Variants in PPP1R10 observed in about 807,000 individuals in gnomAD.
PPP1R10 encodes serine/threonine-protein phosphatase 1 regulatory subunit 10.
PPP1R10 carries 15 observed loss-of-function variants against 99.0 expected under a neutral mutation model. The ratio of observed to expected loss-of-function variants is 0.15; its 90% CI spans 0.10 to 0.23. The LOEUF (loss-of-function observed/expected upper bound fraction) is 0.23, where lower values mean the gene tolerates loss of function less well. PPP1R10 is among the 10% of genes least tolerant of loss of function. The pLI, the probability that PPP1R10 is intolerant of heterozygous loss-of-function variation, is 1.00. For synonymous variants in PPP1R10, 430 were observed against 449.5 expected (o/e 0.96, Z 0.55); for missense variants, 947 against 1,259.4 (o/e 0.75, Z 3.75).
At chr6:30,607,396 A>G (rs1804062352) in intron 6 of PPP1R10, among the ~76,000 whole-genome samples, 1 of 152,236 alleles carries the variant, frequency 6.6e-6, no homozygotes, top group Non-Finnish European at 1.5e-5. Flanking sequence ...ATGAAAAAAT[A>G]CTTTGTAACT....
chr6:30,605,777 G>A (rs1023980000), intron 10 of PPP1R10, 146 bp downstream of exon 10: 28 of 760,264 alleles, frequency 3.7e-5, no homozygotes, highest in African/African-American at 1.8e-4. Context: ...GGAGAATGGC[G>A]TGAACCCGGG....
Position 30,613,903 on chromosome 6 carries a change from G to A in PPP1R10, c.-12+2575C>T, listed in dbSNP as rs551321809. On this transcript the variant is annotated intron_variant, in intron 2 of 19. Transcript: ENST00000376511. The stretch of plus-strand genomic sequence containing the variant: ...AAACAAAAAAAGCTTGTAGTCAACA[G>A]ACATGTGAAGAGTCCCTCCCATCCA... 2.0e-5 allele frequency among the ~76,000 whole-genome samples: 3 copies of A among 152,280 alleles called. No individual in the cohort carries two copies. In the South Asian group the frequency reaches 6.2e-4, roughly 32 times the overall value.
At position 30,609,845 on chromosome 6, in the gene PPP1R10, T is replaced by C. The variant is rs1804365830; in HGVS notation, c.100A>G (p.Ile34Val). ...EVKSVDGISK[I>V]FSLMKEARKM... ...AAAGGGGTAAAGACTCACCTGAAGA[T>C]CTTGGAAATCCCATCCACACTTTTG... is the stretch of plus-strand genomic sequence containing the variant. The change falls in exon 3 of 20, where the codon ATC becomes GTC. Residue 34 changes from isoleucine (I) to valine (V), a missense_variant. By Grantham distance (29) the Ile-to-Val change is conservative. This residue lies in a region of PPP1R10 where 82 missense variants were observed against 117.3 expected (regional missense o/e 0.70). Transcript: ENST00000376511. The surrounding 1 kb of genome is among the most constrained non-coding windows in gnomAD (Gnocchi z 4.5). 1 of 1,612,832 alleles carries C rather than the reference T, an allele frequency of 6.2e-7. No homozygotes were observed. The highest frequency in any genetic ancestry group is 8.5e-7 in the Non-Finnish European group (1 of 1,178,862).
chr6:30,604,212 C>A lies in PPP1R10; in HGVS notation c.1304G>T (p.Arg435Leu), dbSNP rs1234456705. The A allele has an allele frequency of 6.2e-7, 1 of 1,614,150 alleles. No individual in the cohort carries two copies. The highest frequency in any genetic ancestry group is 8.5e-7 in the Non-Finnish European group (1 of 1,180,034). The change falls in exon 14 of 20, where the codon CGA becomes CTA. Residue 435 changes from arginine to leucine, a missense_variant. By Grantham distance (102) the Arg-to-Leu change is moderately radical (BLOSUM62 -2). Transcript: ENST00000376511. This position sits in a 1 kb window ranked among gnomAD's most constrained non-coding sequence, Gnocchi z 7.3. ...KIKDFGEAAK[R>L]EILSDRHAFE... Reference sequence around the variant, plus strand: ...TGCATGTCGGTCTGACAGTATCTCTCGCTTAGCCGCCTCACCAAAGTCCTT... The same window carrying A: ...TGCATGTCGGTCTGACAGTATCTCTAGCTTAGCCGCCTCACCAAAGTCCTT...
chr6:30,608,365 G>A (rs528692429), intron 5 of PPP1R10, among the ~76,000 whole-genome samples: 145 of 150,246 alleles, frequency 9.7e-4, no homozygotes, highest in African/African-American at 3.1e-3. Flanking sequence ...GCAGTGGTGC[G>A]ATCTCGGCTC....
At position 30,607,908 on chromosome 6, in the gene PPP1R10, C is replaced by A; in HGVS notation, c.331-17G>T. ...TGTGTTGTTCTATGAGAGATGGGAGCAGCAGAAAGGTAAATGCCAGGAGGC... is the reference window on the plus strand; with the variant it reads ...TGTGTTGTTCTATGAGAGATGGGAGAAGCAGAAAGGTAAATGCCAGGAGGC... On this transcript the variant is annotated splice_polypyrimidine_tract_variant and intron_variant, in intron 5 of 19. Coordinates refer to ENST00000376511, the MANE Select transcript of PPP1R10 (RefSeq NM_002714.4). 6.2e-7 allele frequency: 1 copy of A among 1,612,288 alleles called. No homozygotes were observed. Among genetic ancestry groups the A allele is most frequent in the Non-Finnish European group, 8.5e-7 (1 of 1,179,658 alleles).
intron 5 of PPP1R10, among the ~76,000 whole-genome samples, 155 bp from the exon 6 acceptor site, chr6:30,608,046 TGGCGCAGTCTTGGCTCACTGCAGC>T (rs1231328739): frequency 1.3e-5 from 2 of 151,324 alleles, no homozygotes; most frequent in African/African-American, 2.4e-5. Flanking sequence ...TAGAGTGCAG[TGGCGCAGTCTTGGCTCACTGCAGC>T]CTCGACCTCC....
At chr6:30,601,828 G>T in intron 19 of PPP1R10, 108 bp downstream of exon 19, 1 of 1,376,152 alleles carries the variant, frequency 7.3e-7, no homozygotes, top group South Asian at 1.5e-5. Context: ...TCAAAGAGAC[G>T]GGTACCTCAC....
In PPP1R10 at chr6:30,609,133, A is replaced by G. The variant is rs747532016; in HGVS notation, c.138T>C (p.Ser46=). 3.3e-5 allele frequency: 53 copies of G among 1,613,220 alleles called. No individual in the cohort carries two copies. Among genetic ancestry groups the G allele is most frequent in the Non-Finnish European group, 4.5e-5 (53 of 1,180,024 alleles). Reference sequence around the variant, plus strand: ...GGAGAATGTTCAAGTAAGTGCATCGACTCACCATCTTTCGTGCTTCCTTCA... The same window carrying G: ...GGAGAATGTTCAAGTAAGTGCATCGGCTCACCATCTTTCGTGCTTCCTTCA... ...SLMKEARKMV[S]RCTYLNILLQ... The change falls in exon 4 of 20, where the codon AGT becomes AGC. Residue 46 remains serine (S), a synonymous_variant. Transcript: ENST00000376511. This position sits in a 1 kb window ranked among gnomAD's most constrained non-coding sequence, Gnocchi z 4.5.
In PPP1R10 at chr6:30,609,619, G is replaced by A. The variant is rs1179417060; in HGVS notation, c.107+219C>T. On this transcript the variant is annotated intron_variant, in intron 3 of 19. Coordinates refer to ENST00000376511, the MANE Select transcript of PPP1R10 (RefSeq NM_002714.4). This position sits in a 1 kb window ranked among gnomAD's most constrained non-coding sequence, Gnocchi z 4.5. ...TCTCATTCCAAAGCATGACTCCCTT[G>A]GGACCGTGGACGTCCAAATCTCCAG... Among the ~76,000 whole-genome samples, 1 of 152,132 alleles carries A rather than the reference G, an allele frequency of 6.6e-6. No homozygotes were observed. Among genetic ancestry groups the A allele is most frequent in the Non-Finnish European group, 1.5e-5 (1 of 68,022 alleles).
chr6:30,606,701 A>G lies in PPP1R10; in HGVS notation c.461-60T>C, dbSNP rs778177709. Reference sequence around the variant, plus strand: ...TTTAGATGAACACTGTCAGAGGTGAAGCAGACTGGGAGCACCTAAAGGCCA... The same window carrying G: ...TTTAGATGAACACTGTCAGAGGTGAGGCAGACTGGGAGCACCTAAAGGCCA... On this transcript the variant is annotated intron_variant, in intron 7 of 19. Transcript: ENST00000376511. This position sits in a 1 kb window ranked among gnomAD's most constrained non-coding sequence, Gnocchi z 6.3. 4.7e-5 allele frequency: 76 copies of G among 1,612,138 alleles called. No homozygotes were observed. The highest frequency in any genetic ancestry group is 6.4e-5 in the Non-Finnish European group (75 of 1,178,250).
chr6:30,601,647 G>A lies in PPP1R10; in HGVS notation c.2725C>T (p.Arg909Cys), dbSNP rs1435292058. The A allele has an allele frequency of 6.2e-7, 1 of 1,613,860 alleles. No individual in the cohort carries two copies. The highest frequency in any genetic ancestry group is 2.2e-5 in the East Asian group (1 of 44,894). The change falls in exon 20 of 20, where the codon CGC becomes TGC. Residue 909 changes from arginine to cysteine, a missense_variant. Physicochemically the swap from Arg to Cys is radical, Grantham distance 180 (BLOSUM62 -3). Transcript: ENST00000376511. The stretch of plus-strand genomic sequence containing the variant: ...ATCATGAAATGTCGGCAGACAGGGC[G>A]GTTTGACATGTCTGTGGGAACGATG... ...GHSHGGDMSN[R>C]PVCRHFMMKG...
Position 30,601,223 on chromosome 6 carries a change from T to C in PPP1R10, c.*326A>G, listed in dbSNP as rs1403357158. On this transcript the variant is annotated 3_prime_UTR_variant, in exon 20 of 20. Coordinates refer to ENST00000376511, the MANE Select transcript of PPP1R10 (RefSeq NM_002714.4). Reference sequence around the variant, plus strand: ...GGGTGTTCGCCAGGATAACCAGCTTTAGGTTCTCAAGCATTAAGGGTAATA... The same window carrying C: ...GGGTGTTCGCCAGGATAACCAGCTTCAGGTTCTCAAGCATTAAGGGTAATA... 3.1e-6 allele frequency: 1 copy of C among 326,998 alleles called. No homozygotes were observed. Among genetic ancestry groups the C allele is most frequent in the Non-Finnish European group, 5.6e-6 (1 of 177,568 alleles). 20.3% of individuals were successfully genotyped at this position (326,998 alleles called of 1,614,324 possible). A position where few individuals can be genotyped will look rare whatever the true frequency, so the allele number is the denominator to read the frequency against.
chr6:30,613,203 CA>C (rs1170034201), intron 2 of PPP1R10, among the ~76,000 whole-genome samples: 1 of 152,134 alleles, frequency 6.6e-6, no homozygotes, highest in Non-Finnish European at 1.5e-5. Flanking sequence ...GAGGGTTATT[CA>C]ATTAAATAGG....
chr6:30,608,386 C>T (rs1193866323), intron 5 of PPP1R10, among the ~76,000 whole-genome samples: 1 of 151,746 alleles, frequency 6.6e-6, no homozygotes, highest in Non-Finnish European at 1.5e-5. Flanking sequence ...ACAATAACCT[C>T]CACCTCCTGG....
Position 30,603,472 on chromosome 6 carries a change from C to G in PPP1R10, c.1767G>C (p.Met589Ile), listed in dbSNP as rs759555606. Residue 589 changes from methionine to isoleucine, a missense_variant and splice_region_variant, in exon 16 of 20, where the codon ATG (methionine) becomes ATC (isoleucine). Physicochemically the swap from Met to Ile is conservative, Grantham distance 10. Coordinates refer to ENST00000376511, the MANE Select transcript of PPP1R10 (RefSeq NM_002714.4). ...INVQEILTSI[M>I]GSPNSHPSEE... is the part of the protein sequence containing the mutation. ...GGAAAAGGGGAAGGAGGGTGCGTAC[C>G]ATGATGGAGGTGAGGATCTCTTGGA... The G allele has an allele frequency of 6.2e-7, 1 of 1,608,550 alleles. No individual in the cohort carries two copies. Among genetic ancestry groups the G allele is most frequent in the Non-Finnish European group, 8.5e-7 (1 of 1,177,098 alleles).
rs753106351 is a variant in PPP1R10 at position 30,604,431 on chromosome 6, T to G, written c.1183A>C (p.Lys395Gln). ...TCAGGCCATGTCACACTTTTCCTCT[T>G]CCTGCCTTTCCGGGTCAGTTGGTTA... is the stretch of plus-strand genomic sequence containing the variant. ...DPNQLTRKGRKRKSVTWPEEG... is the reference protein window; with the variant it reads ...DPNQLTRKGRQRKSVTWPEEG... The change falls in exon 13 of 20, where the codon AAG (lysine) becomes CAG (glutamine). Residue 395 changes from lysine (K) to glutamine (Q), a missense_variant. Lys to Gln is a moderately conservative substitution (Grantham distance 53). Around this residue, in one of 10 missense-constraint regions of PPP1R10, gnomAD observed 100 missense variants for 105.8 expected, o/e 0.94. Transcript: ENST00000376511. The surrounding 1 kb of genome is among the most constrained non-coding windows in gnomAD (Gnocchi z 7.3). The G allele has an allele frequency of 6.2e-7, 1 of 1,613,394 alleles. No homozygotes were observed. Among genetic ancestry groups the G allele is most frequent in the South Asian group, 1.1e-5 (1 of 91,082 alleles).
Position 30,602,273 on chromosome 6 carries a change from A to T in PPP1R10, c.2376T>A (p.Gly792=). Residue 792 remains glycine, a synonymous_variant, in exon 19 of 20, where the codon GGT becomes GGA. Transcript: ENST00000376511. This position sits in a 1 kb window ranked among gnomAD's most constrained non-coding sequence, Gnocchi z 6.7. ...RPHEGPGGSM[G]GGGGHRPHEG... ...CGTGGGGACGATGTCCTCCACCCCCACCCATGCTACCACCAGGGCCTTCAT... is the reference window on the plus strand; with the variant it reads ...CGTGGGGACGATGTCCTCCACCCCCTCCCATGCTACCACCAGGGCCTTCAT... The T allele has an allele frequency of 6.2e-7, 1 of 1,609,798 alleles. No homozygotes were observed. Among genetic ancestry groups the T allele is most frequent in the Non-Finnish European group, 8.5e-7 (1 of 1,178,830 alleles).
At chr6:30,615,503 A>G (rs1403805633) in intron 2 of PPP1R10, among the ~76,000 whole-genome samples, 9 of 152,192 alleles carry the variant, frequency 5.9e-5, no homozygotes, top group Non-Finnish European at 1.3e-4. Flanking sequence ...GGGTCAAGAC[A>G]CAACCTGCAA....
Sources: gnomAD v4.1 joint callset for allele counts (sites outside exome capture counted in the v4.1 genomes callset) on GRCh38, gnomAD v4.1.1 for gene constraint, gnomAD v4.1.1 regional missense constraint, Gnocchi (gnomAD v3.1) non-coding constraint, MANE v1.5 for transcripts, NCBI Gene and HGNC (gene_info 2026-07-23, HGNC 2026-07-21) for gene names.